Variants in PDLIM5 observed in about 807,000 individuals in gnomAD.
PDLIM5 encodes the protein PDZ and LIM domain 5.
PDLIM5 carries 34 observed loss-of-function variants against 64.2 expected under a neutral mutation model. The ratio of observed to expected loss-of-function variants is 0.53; its 90% CI spans 0.40 to 0.71. The LOEUF (loss-of-function observed/expected upper bound fraction) is 0.71, where lower values mean the gene tolerates loss of function less well. Ranked by LOEUF, PDLIM5 falls within the 30% of genes least tolerant of loss-of-function variation. The pLI, the probability that PDLIM5 is intolerant of heterozygous loss-of-function variation, is 0.00. For synonymous variants in PDLIM5, 253 were observed against 269.1 expected (o/e 0.94, Z 0.59); for missense variants, 683 against 733.6 (o/e 0.93, Z 0.80).
chr4:94,601,611 A>C (rs1737506901), intron 7 of PDLIM5, among the ~76,000 whole-genome samples: 1 of 152,148 alleles, frequency 6.6e-6, no homozygotes. Context: ...TTCATGTTTG[A>C]TAATTTATTT....
chr4:94,617,013 A>C (rs1738837337), intron 7 of PDLIM5, among the ~76,000 whole-genome samples: 1 of 152,198 alleles, frequency 6.6e-6, no homozygotes, highest in Admixed American at 6.5e-5. Flanking sequence ...CGAACTCCTG[A>C]CCTCAGGTGA....
chr4:94,472,339 T>C (rs1382897495), intron 2 of PDLIM5, among the ~76,000 whole-genome samples: 3 of 152,182 alleles, frequency 2.0e-5, no homozygotes, highest in Non-Finnish European at 4.4e-5. Flanking sequence ...TTGGCACCAG[T>C]AGTACCTCCA....
At chr4:94,464,304 G>A (rs1164003376) in intron 2 of PDLIM5, among the ~76,000 whole-genome samples, 1 of 152,106 alleles carries the variant, frequency 6.6e-6, no homozygotes, top group African/African-American at 2.4e-5. Flanking sequence ...AAGTAGTTAC[G>A]GTAATGACAT....
chr4:94,655,194 A>G (rs543707620), intron 10 of PDLIM5, among the ~76,000 whole-genome samples: 10 of 152,016 alleles, frequency 6.6e-5, no homozygotes, highest in Non-Finnish European at 1.0e-4. Flanking sequence ...TGGAAAAATA[A>G]TTTTTTTTCC....
At chr4:94,649,434 A>G (rs73834233) in intron 9 of PDLIM5, among the ~76,000 whole-genome samples, 7,086 of 151,900 alleles carry the variant, frequency 0.047, 302 homozygotes, top group East Asian at 0.15. Context: ...AAATTCTCCC[A>G]TTTCATCCCT....
intron 9 of PDLIM5, among the ~76,000 whole-genome samples, chr4:94,647,477 C>A (rs1428694382): frequency 6.6e-6 from 1 of 151,978 alleles, no homozygotes; most frequent in African/African-American, 2.4e-5. Context: ...ATTTACCTAA[C>A]AGCATCAAAA....
At chr4:94,590,847 T>C (rs190081974) in intron 7 of PDLIM5, among the ~76,000 whole-genome samples, 6 of 152,344 alleles carry the variant, frequency 3.9e-5, no homozygotes, top group Admixed American at 3.3e-4. Context: ...TGGGAAATTA[T>C]TATATCATAT....
chr4:94,606,508 T>C (rs538886174), intron 7 of PDLIM5, among the ~76,000 whole-genome samples: 2 of 152,208 alleles, frequency 1.3e-5, no homozygotes, highest in South Asian at 2.1e-4. Context: ...AAGCAGGGCC[T>C]ATTTCAAAAA....
chr4:94,658,690 T>C (rs1331222253), intron 11 of PDLIM5, among the ~76,000 whole-genome samples: 1 of 152,196 alleles, frequency 6.6e-6, no homozygotes, highest in Non-Finnish European at 1.5e-5. Flanking sequence ...CAGTATTCTC[T>C]TATTTTCATC....
intron 3 of PDLIM5, among the ~76,000 whole-genome samples, chr4:94,544,197 A>C (rs2110192483): frequency 6.6e-6 from 1 of 152,002 alleles, no homozygotes; most frequent in Admixed American, 6.6e-5. Context: ...GTTTCTTATA[A>C]GGACATTCGT....
Position 94,664,033 on chromosome 4 carries a change from T to A in PDLIM5, c.1757T>A (p.Leu586Gln). 6.2e-7 allele frequency: 1 copy of A among 1,607,794 alleles called. No individual in the cohort carries two copies. Among genetic ancestry groups the A allele is most frequent in the South Asian group, 1.1e-5 (1 of 90,170 alleles). Residue 586 changes from leucine (L) to glutamine (Q), a missense_variant, in exon 13 of 13, where the codon CTG becomes CAG. By Grantham distance (113) the Leu-to-Gln change is moderately radical. Transcript: ENST00000317968. ...TTTTTCTCCAAGAAGGACAAGCCCC[T>A]GTGTAAGAAACATGCTCATTCTGTG... The part of the protein sequence containing the change: ...QTFFSKKDKP[L>Q]CKKHAHSVNF
intron 2 of PDLIM5, among the ~76,000 whole-genome samples, chr4:94,516,840 G>A (rs897750976): frequency 1.3e-5 from 2 of 152,122 alleles, no homozygotes; most frequent in African/African-American, 4.8e-5. Context: ...CCCAGCCTTA[G>A]ATTTTAAGAG....
chr4:94,517,530 G>A (rs1291065827), intron 2 of PDLIM5, among the ~76,000 whole-genome samples: 1 of 152,160 alleles, frequency 6.6e-6, no homozygotes, highest in Non-Finnish European at 1.5e-5. Context: ...AATTTTATTA[G>A]CATAATTCTT....
In PDLIM5 at chr4:94,618,002, A is replaced by G; in HGVS notation, c.921-2A>G. ...AAAGATGTTTCTTTATTTCCTTTAC[A>G]GTAACTCTCAGGAGCCTTCTCCGCA... On this transcript the variant is annotated splice_acceptor_variant, in intron 7 of 12. Coordinates refer to ENST00000317968, the MANE Select transcript of PDLIM5 (RefSeq NM_006457.5). LOFTEE classifies it high-confidence loss of function. 2.0e-6 allele frequency: 3 copies of G among 1,526,220 alleles called. No individual in the cohort carries two copies. The highest frequency in any genetic ancestry group is 2.4e-5 in the East Asian group (1 of 42,004). 94.5% of individuals were successfully genotyped at this position (1,526,220 alleles called of 1,614,324 possible).
At chr4:94,604,830 AAG>A (rs1274050856) in intron 7 of PDLIM5, among the ~76,000 whole-genome samples, 5 of 152,194 alleles carry the variant, frequency 3.3e-5, no homozygotes, top group African/African-American at 1.2e-4. Flanking sequence ...GAAAATCGTT[AAG>A]ATAGTAAGTT....
chr4:94,609,466 A>G (rs1403023581), intron 7 of PDLIM5, among the ~76,000 whole-genome samples: 1 of 152,228 alleles, frequency 6.6e-6, no homozygotes, highest in African/African-American at 2.4e-5. Flanking sequence ...ATAAAATGCT[A>G]TACCTGCATT....
chr4:94,520,592 G>A (rs1329349218), intron 2 of PDLIM5, among the ~76,000 whole-genome samples: 1 of 152,216 alleles, frequency 6.6e-6, no homozygotes, highest in Non-Finnish European at 1.5e-5. Context: ...TGAACAGATT[G>A]AGGAAGTGGT....
intron 5 of PDLIM5, chr4:94,579,590 C>A: frequency 3.2e-6 from 3 of 937,558 alleles, no homozygotes; most frequent in Non-Finnish European, 4.7e-6. Flanking sequence ...TATGAGTAAA[C>A]AGCATGAATG....
chr4:94,520,909 G>A (rs1032070335), intron 2 of PDLIM5, among the ~76,000 whole-genome samples: 2 of 152,168 alleles, frequency 1.3e-5, no homozygotes, highest in African/African-American at 2.4e-5. Context: ...GATGTTGATG[G>A]GCATTTGTTT....
Sources: gnomAD v4.1 joint callset for allele counts (sites outside exome capture counted in the v4.1 genomes callset) on GRCh38, gnomAD v4.1.1 for gene constraint, MANE v1.5 for transcripts, NCBI Gene and HGNC (gene_info 2026-07-23, HGNC 2026-07-21) for gene names.